The following TTN variants were observed in gnomAD, a reference collection of about 807,000 sequenced individuals.
TTN encodes connectin.
In TTN, 1,525 loss-of-function variants were observed where a neutral mutation model predicts 3,223.0. The observed-to-expected ratio is 0.47, with a 90% CI of 0.45 to 0.49. The LOEUF (loss-of-function observed/expected upper bound fraction) is 0.49, where lower values mean the gene tolerates loss of function less well. Among genes scored for constraint, TTN ranks in the 20% least tolerant of loss-of-function variants. TTN has a pLI of 0.00. For synonymous variants in TTN, 14,094 were observed against 15,161.0 expected (o/e 0.93, Z 5.17); for missense variants, 40,786 against 43,424.0 (o/e 0.94, Z 5.40).
In TTN at chr2:178,591,731, C is replaced by T. The variant is rs775292311; in HGVS notation, c.60088G>A (p.Val20030Met). The T allele has an allele frequency of 6.2e-7, 1 of 1,613,338 alleles. No homozygotes were observed. Among genetic ancestry groups the T allele is most frequent in the Non-Finnish European group, 8.5e-7 (1 of 1,179,548 alleles). ...GTAACCACACACTCTAAGTTTGTCA[C>T]AGTCTTAAATTTAATCCAGTCCTGG... ...GTQDWIKFKT[V>M]TNLECVVTGL... Residue 20030 changes from valine (V) to methionine (M), a missense_variant, in exon 303 of 363, where the codon GTG (valine) becomes ATG (methionine). By Grantham distance (21) the Val-to-Met change is conservative. Coordinates refer to ENST00000589042, the MANE Select transcript of TTN (RefSeq NM_001267550.2).
intron 15 of TTN, among the ~76,000 whole-genome samples, chr2:178,784,978 A>T (rs1014722437): frequency 5.3e-5 from 8 of 152,222 alleles, no homozygotes; most frequent in Non-Finnish European, 1.2e-4. Context: ...TGTGTATAAT[A>T]ACAATAGTGA....
At chr2:178,607,726 T>G in intron 276 of TTN, 41 bp from the exon 277 acceptor site, 1 of 1,611,524 alleles carries the variant, frequency 6.2e-7, no homozygotes, top group Non-Finnish European at 8.5e-7. Context: ...CATGAAAGAT[T>G]AAAAAATAGT....
chr2:178,671,910 C>A (rs1376751833), intron 155 of TTN, 61 bp downstream of exon 155: 8 of 1,546,802 alleles, frequency 5.2e-6, no homozygotes, highest in South Asian at 1.2e-5. Flanking sequence ...ACAAAATTTA[C>A]TTTCAAAGGA....
chr2:178,751,656 C>G (rs761387261), intron 47 of TTN: 5 of 1,613,252 alleles, frequency 3.1e-6, no homozygotes, highest in Non-Finnish European at 4.2e-6. Context: ...CTATTAATTG[C>G]TAGTAACCTA....
chr2:178,694,845 T>A lies in TTN; in HGVS notation c.31332A>T (p.Lys10444Asn), dbSNP rs1461743715. 1.3e-6 allele frequency: 2 copies of A among 1,559,020 alleles called. No homozygotes were observed. The highest frequency in any genetic ancestry group is 1.7e-6 in the Non-Finnish European group (2 of 1,149,718). The change falls in exon 116 of 363, where the codon AAA becomes AAT. Residue 10444 changes from lysine (K) to asparagine (N), a missense_variant. Lys to Asn is a moderately conservative substitution (Grantham distance 94, BLOSUM62 0). Coordinates refer to ENST00000589042, the MANE Select transcript of TTN (RefSeq NM_001267550.2). Reference protein sequence around the residue: ...EKTSRRMEEEKVQVTKVPEVS... With the variant: ...EKTSRRMEEENVQVTKVPEVS... ...AAATAATACCTTTGGTGACTTGAAC[T>A]TTTTCTTCCTCCATTCTTCGAGAAG... is the stretch of plus-strand genomic sequence containing the variant.
intron 357 of TTN, 64 bp downstream of exon 357, chr2:178,535,918 A>G (rs1691261010): frequency 1.3e-6 from 2 of 1,511,312 alleles, no homozygotes; most frequent in South Asian, 1.4e-5. Context: ...TAAGTGCAAT[A>G]GCCTCCACCC....
intron 321 of TTN, 51 bp from the exon 322 acceptor site, chr2:178,578,236 A>G (rs2046891057): frequency 2.0e-6 from 3 of 1,513,362 alleles, no homozygotes; most frequent in Non-Finnish European, 1.8e-6. Context: ...TGATTTTACA[A>G]TATATATGTG....
In TTN at chr2:178,692,507, TG is replaced by T; in HGVS notation, c.31667del (p.Pro10556GlnfsTer69). ...PVPIPKKVEP[P>X]APKVPEVPKK... ...CAAATATTATTCTACCTTTTGGTGC[TG>T]GGGGCTCCACTTTTTTAGGGATAGG... On this transcript the variant is annotated frameshift_variant, in exon 120 of 363. Coordinates refer to ENST00000589042, the MANE Select transcript of TTN (RefSeq NM_001267550.2). LOFTEE classifies it high-confidence loss of function. The T allele has an allele frequency of 1.3e-6, 2 of 1,581,976 alleles. No individual in the cohort carries two copies. The highest frequency in any genetic ancestry group is 1.3e-5 in the African/African-American group (1 of 74,504).
chr2:178,554,761 G>C lies in TTN; in HGVS notation c.88595-9C>G, dbSNP rs1559233127. On this transcript the variant is annotated splice_polypyrimidine_tract_variant and intron_variant, in intron 331 of 362. Transcript: ENST00000589042. The stretch of plus-strand genomic sequence containing the variant: ...AGGTGGGCCTGGTTTGTCTATCAGT[G>C]AAAGGACAAAACACGATGTTAGTAC... 4 of 1,612,974 alleles carry C rather than the reference G, an allele frequency of 2.5e-6. No homozygotes were observed. The highest frequency in any genetic ancestry group is 3.4e-6 in the Non-Finnish European group (4 of 1,179,656).
Position 178,601,598 on chromosome 2 carries a change from C to T in TTN, c.55433-34G>A, listed in dbSNP as rs765224772. ...TGTAAATCACAATATAAGCAACGTT[C>T]CTTAAATGCTTAAAAATAATTTGTT... On this transcript the variant is annotated intron_variant, in intron 286 of 362. Transcript: ENST00000589042. 6 of 1,588,164 alleles carry T rather than the reference C, an allele frequency of 3.8e-6. No individual in the cohort carries two copies. The East Asian group carries it at 9.0e-5, about 24-fold the overall frequency.
chr2:178,773,186 T>C lies in TTN; in HGVS notation c.7778A>G (p.Asn2593Ser). ...HGKIYKLTVL[N>S]MMKDDEGKYT... ...TTTTCCTTCATCATCTTTCATCATA[T>C]TTAGAACTGTCAATTTATATATTTT... is the stretch of plus-strand genomic sequence containing the variant. The change falls in exon 33 of 363, where the codon AAT becomes AGT. Residue 2593 changes from asparagine (N) to serine (S), a missense_variant. By Grantham distance (46) the Asn-to-Ser change is conservative. Transcript: ENST00000589042. The C allele has an allele frequency of 6.2e-7, 1 of 1,613,872 alleles. No individual in the cohort carries two copies.
At chr2:178,625,065 G>A (rs1173552314) in intron 241 of TTN, among the ~76,000 whole-genome samples, 2 of 151,898 alleles carry the variant, frequency 1.3e-5, no homozygotes, top group Non-Finnish European at 2.9e-5. Context: ...GAGATGGAAG[G>A]AGGAAGTAAA....
chr2:178,634,617 T>G lies in TTN; in HGVS notation c.42164A>C (p.Asp14055Ala). 6.2e-7 allele frequency: 1 copy of G among 1,612,986 alleles called. No individual in the cohort carries two copies. The highest frequency in any genetic ancestry group is 2.2e-5 in the East Asian group (1 of 44,802). Residue 14055 changes from aspartate (D) to alanine (A), a missense_variant, in exon 230 of 363, where the codon GAC (aspartate) becomes GCC (alanine). Asp to Ala is a moderately radical substitution (Grantham distance 126). Transcript: ENST00000589042. The surrounding 1 kb of genome is among the most constrained non-coding windows in gnomAD (Gnocchi z 4.6). ...GACATCCTTCAGGGGCACAGCAAAG[T>G]CAAGTTCGATTTCTGAAAATCAGAC... is the stretch of plus-strand genomic sequence containing the variant. ...AILTVKEIEL[D>A]FAVPLKDVTV...
rs966591183 is a variant in TTN at position 178,551,883 on chromosome 2, A to C, written c.91017T>G (p.Asp30339Glu). 2 of 1,613,796 alleles carry C rather than the reference A, an allele frequency of 1.2e-6. No individual in the cohort carries two copies. Among genetic ancestry groups the C allele is most frequent in the African/African-American group, 2.7e-5 (2 of 74,944 alleles). ...GKPVIYNVTS[D>E]GMSLTWDAPV... The stretch of plus-strand genomic sequence containing the variant: ...GAGCATCCCAAGTTAGTGACATGCC[A>C]TCAGAAGTCACATTGTATATAACTG... The change falls in exon 335 of 363, where the codon GAT (aspartate) becomes GAG (glutamate). Residue 30339 changes from aspartate to glutamate, a missense_variant. Physicochemically the swap from Asp to Glu is conservative, Grantham distance 45. Transcript: ENST00000589042.
At position 178,739,211 on chromosome 2, in the gene TTN, C is replaced by A. The variant is rs761849101; in HGVS notation, c.14022G>T (p.Glu4674Asp). The A allele has an allele frequency of 6.4e-7, 1 of 1,561,192 alleles. No individual in the cohort carries two copies. Among genetic ancestry groups the A allele is most frequent in the African/African-American group, 1.4e-5 (1 of 73,860 alleles). ...DKVNTEDHQGEYVCEALNDSG... is the reference protein window; with the variant it reads ...DKVNTEDHQGDYVCEALNDSG... Reference sequence around the variant, plus strand: ...TGTCATTCAAGGCCTCACAGACATACTCTCCTTGATGGTCTTCGGTATTTA... The same window carrying A: ...TGTCATTCAAGGCCTCACAGACATAATCTCCTTGATGGTCTTCGGTATTTA... The change falls in exon 48 of 363, where the codon GAG becomes GAT. Residue 4674 changes from glutamate (E) to aspartate (D), a missense_variant. Coordinates refer to ENST00000589042, the MANE Select transcript of TTN (RefSeq NM_001267550.2).
chr2:178,571,794 G>A lies in TTN; in HGVS notation c.74338C>T (p.Arg24780Ter), dbSNP rs794729285. ...ACCACATAATGGCCAACATCTTCTC[G>A]GCAGGCGTCCTTTATTGTCAGTAGT... ...NSLLTIKDAC[R>*]EDVGHYVVKL... The change falls in exon 326 of 363, where the codon CGA (arginine) becomes TGA (stop). Residue 24780 changes from arginine (R) to a stop codon, truncating the protein, a stop_gained. Transcript: ENST00000589042. LOFTEE classifies it high-confidence loss of function. The A allele has an allele frequency of 1.2e-6, 2 of 1,613,404 alleles. No individual in the cohort carries two copies. The highest frequency in any genetic ancestry group is 1.7e-6 in the Non-Finnish European group (2 of 1,179,576).
Position 178,584,419 on chromosome 2 carries a change from T to G in TTN, c.65132A>C (p.Asp21711Ala). Residue 21711 changes from aspartate to alanine, a missense_variant, in exon 311 of 363, where the codon GAT becomes GCT. Coordinates refer to ENST00000589042, the MANE Select transcript of TTN (RefSeq NM_001267550.2). ...ATATTCAGTTGACCGGACAAGAGTA[T>G]CATTGGCTTTCACCCACAGCAAACT... ...RNSLLWVKAN[D>A]TLVRSTEYPC... The G allele has an allele frequency of 6.2e-7, 1 of 1,613,308 alleles. No homozygotes were observed. Among genetic ancestry groups the G allele is most frequent in the Non-Finnish European group, 8.5e-7 (1 of 1,179,518 alleles).
Position 178,739,367 on chromosome 2 carries a change from A to G in TTN, c.13866T>C (p.Ile4622=). ...LVDTVSEEGD[I]VHLTTSITNA... is the part of the protein sequence containing the mutation. ...TTGTTATGGATGTTGTGAGGTGTAC[A>G]ATATCACCTTCCTCAGAAACAGTGT... The change falls in exon 48 of 363, where the codon ATT becomes ATC. Residue 4622 remains isoleucine, a synonymous_variant. Transcript: ENST00000589042. 6.2e-7 allele frequency: 1 copy of G among 1,613,852 alleles called. No homozygotes were observed. The highest frequency in any genetic ancestry group is 8.5e-7 in the Non-Finnish European group (1 of 1,179,824).
At chr2:178,595,867 A>T in intron 294 of TTN, 58 bp from the exon 295 acceptor site, 1 of 1,484,226 alleles carries the variant, frequency 6.7e-7, no homozygotes, top group Non-Finnish European at 9.0e-7. Context: ...ATAATGCTCA[A>T]CACTTGTTTT....
Sources: allele counts gnomAD v4.1 joint callset (sites outside exome capture counted in the v4.1 genomes callset), GRCh38; gene constraint gnomAD v4.1.1; non-coding constraint Gnocchi (gnomAD v3.1); transcripts MANE v1.5; gene names NCBI Gene and HGNC (gene_info 2026-07-23, HGNC 2026-07-21).